Variants in SLC35F1 observed in about 807,000 individuals in gnomAD.
SLC35F1 encodes the protein solute carrier family 35 member F1.
A neutral mutation model predicts 48.7 loss-of-function variants in SLC35F1; 14 were observed. The observed-to-expected ratio is 0.29, with a 90% CI of 0.19 to 0.45. The LOEUF (loss-of-function observed/expected upper bound fraction) is 0.45. Ranked by LOEUF, SLC35F1 falls within the 20% of genes least tolerant of loss-of-function variation. The probability of loss-of-function intolerance (pLI) is 1.00; values close to 1 mark genes in which losing one functional copy is unlikely to be tolerated. For missense variants in SLC35F1, 404 were observed against 500.0 expected (o/e 0.81, Z 1.83); for synonymous variants, 190 against 202.2 (o/e 0.94, Z 0.51).
intron 2 of SLC35F1, among the ~76,000 whole-genome samples, chr6:118,172,223 A>C (rs970101586): frequency 6.6e-6 from 1 of 152,088 alleles, no homozygotes; most frequent in Non-Finnish European, 1.5e-5. Flanking sequence ...ACCCTTGGAC[A>C]TCTTCCAACA....
chr6:118,106,695 A>G (rs997914194), intron 1 of SLC35F1, among the ~76,000 whole-genome samples: 1 of 152,208 alleles, frequency 6.6e-6, no homozygotes, highest in African/African-American at 2.4e-5. Context: ...AAAAGCCTAT[A>G]ATACATTTCT....
chr6:117,916,185 G>A (rs781223038), intron 1 of SLC35F1, among the ~76,000 whole-genome samples: 25 of 152,184 alleles, frequency 1.6e-4, no homozygotes, highest in Non-Finnish European at 3.2e-4. Flanking sequence ...TAAGCATTTA[G>A]AAATAACTGT....
chr6:117,965,731 G>T (rs1231230612), intron 1 of SLC35F1, among the ~76,000 whole-genome samples: 2 of 152,166 alleles, frequency 1.3e-5, no homozygotes, highest in Non-Finnish European at 2.9e-5. Flanking sequence ...TCACAGTTCT[G>T]GTGTTGGCAG....
Position 117,907,649 on chromosome 6 carries a change from C to A in SLC35F1, c.-78C>A. 4.7e-6 allele frequency: 4 copies of A among 860,098 alleles called. No homozygotes were observed. The highest frequency in any genetic ancestry group is 1.8e-5 in the African/African-American group (1 of 56,492). The allele number at this position is 860,098 out of a possible 1,614,324, so 53.3% of individuals were successfully genotyped here. On this transcript the variant is annotated 5_prime_UTR_variant, in exon 1 of 8. Coordinates refer to ENST00000360388, the MANE Select transcript of SLC35F1 (RefSeq NM_001029858.4). ...CGCGGCCGCCCGGCCGGGTCCTCTGCGCGTTCCCGGGCCCGGAACCGGCAC... is the reference window on the plus strand; with the variant it reads ...CGCGGCCGCCCGGCCGGGTCCTCTGAGCGTTCCCGGGCCCGGAACCGGCAC...
intron 1 of SLC35F1, among the ~76,000 whole-genome samples, chr6:117,937,176 A>G (rs773196577): frequency 3.6e-4 from 55 of 152,320 alleles, no homozygotes; most frequent in Non-Finnish European, 4.6e-4. Flanking sequence ...GTCTGATCTA[A>G]TAACTCTTCG....
chr6:118,002,629 T>C (rs1435323297), intron 1 of SLC35F1, among the ~76,000 whole-genome samples: 1 of 151,858 alleles, frequency 6.6e-6, no homozygotes, highest in Non-Finnish European at 1.5e-5. Flanking sequence ...AAAAAGAAGA[T>C]AAAAAAAGAA....
chr6:118,300,000 T>A (rs1776237209), intron 7 of SLC35F1, among the ~76,000 whole-genome samples: 1 of 152,232 alleles, frequency 6.6e-6, no homozygotes, highest in African/African-American at 2.4e-5. Context: ...TACTGCAATA[T>A]CCAGCACAGT....
intron 7 of SLC35F1, among the ~76,000 whole-genome samples, chr6:118,303,286 A>G (rs1036870810): frequency 2.0e-5 from 3 of 152,244 alleles, no homozygotes; most frequent in South Asian, 2.1e-4. Context: ...GGGTGTTCCA[A>G]CAGAAGTTGA....
At chr6:118,261,225 A>G (rs539426047) in intron 3 of SLC35F1, among the ~76,000 whole-genome samples, 2 of 152,338 alleles carry the variant, frequency 1.3e-5, no homozygotes, top group African/African-American at 4.8e-5. Context: ...GTGATACCTT[A>G]GTATCCAGTC....
At chr6:118,031,830 G>A (rs1332333422) in intron 1 of SLC35F1, among the ~76,000 whole-genome samples, 1 of 152,144 alleles carries the variant, frequency 6.6e-6, no homozygotes, top group African/African-American at 2.4e-5. Context: ...GGGTCATCGG[G>A]TCATTGCTAT....
intron 1 of SLC35F1, among the ~76,000 whole-genome samples, chr6:117,976,550 G>C (rs992015843): frequency 2.6e-5 from 4 of 151,876 alleles, no homozygotes; most frequent in African/African-American, 9.7e-5. Context: ...CAGTACACAA[G>C]GTAATCATTA....
chr6:118,240,826 C>T (rs553265149), intron 3 of SLC35F1, among the ~76,000 whole-genome samples: 286 of 152,196 alleles, frequency 1.9e-3, no homozygotes, highest in Middle Eastern at 0.01. Context: ...GATGAGGTTC[C>T]GAGCAGGGTC....
chr6:117,960,433 T>C (rs886292007), intron 1 of SLC35F1, among the ~76,000 whole-genome samples: 1 of 152,034 alleles, frequency 6.6e-6, no homozygotes, highest in Non-Finnish European at 1.5e-5. Context: ...ATGTACATTA[T>C]AGGCTCATCA....
At chr6:118,044,327 A>G (rs1042924744) in intron 1 of SLC35F1, among the ~76,000 whole-genome samples, 1 of 152,186 alleles carries the variant, frequency 6.6e-6, no homozygotes, top group Non-Finnish European at 1.5e-5. Flanking sequence ...CCTGTCTGCC[A>G]TCGCCCTTTC....
chr6:118,143,090 C>T (rs1562303581), intron 1 of SLC35F1, among the ~76,000 whole-genome samples: 1 of 152,108 alleles, frequency 6.6e-6, no homozygotes, highest in South Asian at 2.1e-4. Flanking sequence ...CCAATTTGCT[C>T]ATCTTTAAAT....
intron 2 of SLC35F1, among the ~76,000 whole-genome samples, chr6:118,228,696 A>C (rs943311298): frequency 1.3e-5 from 2 of 152,150 alleles, no homozygotes; most frequent in African/African-American, 4.8e-5. Context: ...CCTGTCTCAA[A>C]AACAAAACAC....
intron 2 of SLC35F1, among the ~76,000 whole-genome samples, chr6:118,184,238 T>G (rs1774624220): frequency 6.6e-6 from 1 of 152,188 alleles, no homozygotes; most frequent in Non-Finnish European, 1.5e-5. Flanking sequence ...TGTTGTGTTG[T>G]GCCAGTGTCC....
chr6:118,244,574 C>T (rs1775483901), intron 3 of SLC35F1, among the ~76,000 whole-genome samples: 1 of 152,272 alleles, frequency 6.6e-6, no homozygotes. Context: ...CCTTCAACTA[C>T]ATTCTGTAAC....
At chr6:118,199,732 G>T (rs1026963947) in intron 2 of SLC35F1, among the ~76,000 whole-genome samples, 1 of 152,092 alleles carries the variant, frequency 6.6e-6, no homozygotes, top group Non-Finnish European at 1.5e-5. Flanking sequence ...GACACTATTA[G>T]TATTTCTATG....
Sources: gnomAD v4.1 joint callset for allele counts (sites outside exome capture counted in the v4.1 genomes callset) on GRCh38, gnomAD v4.1.1 for gene constraint, MANE v1.5 for transcripts, NCBI Gene and HGNC (gene_info 2026-07-23, HGNC 2026-07-21) for gene names.